The following LRBA variants were observed in gnomAD, a reference collection of about 807,000 sequenced individuals.
The protein encoded by LRBA is LPS responsive beige-like anchor protein.
In LRBA, 176 loss-of-function variants were observed where a neutral mutation model predicts 330.0. The observed-to-expected ratio is 0.53, with a 90% CI of 0.47 to 0.60. LRBA has a LOEUF of 0.60. Among genes scored for constraint, LRBA ranks in the 20% least tolerant of loss-of-function variants. LRBA has a pLI of 0.00. For missense variants in LRBA, 3,259 were observed against 3,444.8 expected, an observed-to-expected ratio of 0.95 and a Z score of 1.35; for synonymous variants, 1,230 against 1,193.0, an observed-to-expected ratio of 1.03 and a Z score of -0.64.
chr4:150,850,799 T>C lies in LRBA; in HGVS notation c.3929A>G (p.Asn1310Ser), dbSNP rs190199103. 9.9e-6 allele frequency: 16 copies of C among 1,613,364 alleles called. No homozygotes were observed. The highest frequency in any genetic ancestry group is 6.7e-5 in the African/African-American group (5 of 75,026). The change falls in exon 24 of 57, where the codon AAC becomes AGC. Residue 1310 changes from asparagine (N) to serine (S), a missense_variant. Physicochemically the swap from Asn to Ser is conservative, Grantham distance 46 (BLOSUM62 1). Transcript: ENST00000651943. ...CAAACGTTGATGCATCTGAGACCAG[T>C]TGAACTCAGGAATACGAAACACAGT... ...RSTVFRIPEFNWSQMHQRLLT... is the reference protein window; with the variant it reads ...RSTVFRIPEFSWSQMHQRLLT...
At chr4:150,936,558 C>T (rs956309007) in intron 2 of LRBA, among the ~76,000 whole-genome samples, 4 of 151,886 alleles carry the variant, frequency 2.6e-5, no homozygotes, top group Non-Finnish European at 4.4e-5. Context: ...AAACAAAAAT[C>T]TCTAAGGCCA....
intron 47 of LRBA, among the ~76,000 whole-genome samples, chr4:150,395,329 T>G (rs866532125): frequency 6.6e-6 from 1 of 152,180 alleles, no homozygotes. Flanking sequence ...TGACAATTCA[T>G]GCAGTAACTT....
At chr4:150,553,256 G>A (rs913029852) in intron 40 of LRBA, among the ~76,000 whole-genome samples, 3 of 151,864 alleles carry the variant, frequency 2.0e-5, no homozygotes, top group Non-Finnish European at 4.4e-5. Context: ...TCATAGGTGG[G>A]AATTGAACAA....
At chr4:150,483,513 A>C (rs547369370) in intron 42 of LRBA, among the ~76,000 whole-genome samples, 4 of 151,642 alleles carry the variant, frequency 2.6e-5, no homozygotes, top group African/African-American at 9.7e-5. Context: ...TAAGTTAAAA[A>C]AATAGAGATG....
At chr4:150,524,887 C>T (rs562868587) in intron 40 of LRBA, among the ~76,000 whole-genome samples, 165 of 152,216 alleles carry the variant, frequency 1.1e-3, no homozygotes, top group Non-Finnish European at 1.5e-3. Context: ...CTCGCAAAGG[C>T]CAAACATCCT....
At chr4:150,723,089 C>T (rs1729147256) in intron 36 of LRBA, among the ~76,000 whole-genome samples, 1 of 152,202 alleles carries the variant, frequency 6.6e-6, no homozygotes, top group South Asian at 2.1e-4. Context: ...GGCTAAAGTA[C>T]ACTGGGTTCC....
At chr4:150,600,779 G>A (rs1195518823) in intron 37 of LRBA, among the ~76,000 whole-genome samples, 1 of 152,048 alleles carries the variant, frequency 6.6e-6, no homozygotes, top group Non-Finnish European at 1.5e-5. Context: ...AAAGACAACA[G>A]TTGTTTTAAC....
chr4:150,900,295 A>G, intron 13 of LRBA, 78 bp from the exon 14 acceptor site: 1 of 1,022,634 alleles, frequency 9.8e-7, no homozygotes, highest in Non-Finnish European at 1.4e-6. Context: ...AGGCTGTTTT[A>G]TTTTCACCAC....
intron 41 of LRBA, among the ~76,000 whole-genome samples, chr4:150,489,415 TAAAA>T (rs1758500613): frequency 1.9e-5 from 1 of 52,240 alleles, no homozygotes; most frequent in Non-Finnish European, 3.8e-5. Context: ...TATAAGAATA[TAAAA>T]TATATTACAT....
intron 48 of LRBA, among the ~76,000 whole-genome samples, chr4:150,347,667 G>T (rs1736574500): frequency 6.7e-6 from 1 of 149,630 alleles, no homozygotes; most frequent in Non-Finnish European, 1.5e-5. Flanking sequence ...AAAAACAAAG[G>T]TAAAAATGTT....
At chr4:150,273,016 T>G (rs1006704776) in intron 56 of LRBA, among the ~76,000 whole-genome samples, 1 of 151,952 alleles carries the variant, frequency 6.6e-6, no homozygotes, top group Non-Finnish European at 1.5e-5. Context: ...CATCAGATTA[T>G]GTGAAGGTAG....
intron 47 of LRBA, among the ~76,000 whole-genome samples, chr4:150,402,155 C>T (rs1395456720): frequency 6.7e-6 from 1 of 148,628 alleles, no homozygotes; most frequent in Non-Finnish European, 1.5e-5. Context: ...ATTCTGTGTG[C>T]TATTTTTTTC....
At chr4:150,365,519 C>T (rs1004434909) in intron 47 of LRBA, among the ~76,000 whole-genome samples, 7 of 152,164 alleles carry the variant, frequency 4.6e-5, no homozygotes, top group East Asian at 1.9e-4. Flanking sequence ...AGGCTGGGCA[C>T]GGTGGCTCAC....
chr4:150,954,817 C>CA (rs34282784), intron 2 of LRBA, among the ~76,000 whole-genome samples: 1,823 of 45,478 alleles, frequency 0.04, 48 homozygotes, highest in South Asian at 0.21. Context: ...ACTCAGAAAT[C>CA]AAAAAAAAAA....
At chr4:150,317,225 C>T (rs1190304069) in intron 50 of LRBA, among the ~76,000 whole-genome samples, 1 of 152,054 alleles carries the variant, frequency 6.6e-6, no homozygotes, top group Non-Finnish European at 1.5e-5. Flanking sequence ...CCTGTGATTA[C>T]CATATATTAT....
At chr4:150,645,854 G>A (rs908979290) in intron 37 of LRBA, among the ~76,000 whole-genome samples, 2 of 151,724 alleles carry the variant, frequency 1.3e-5, no homozygotes, top group Non-Finnish European at 2.9e-5. Context: ...ACAGGCAACA[G>A]TAACTATGAA....
intron 2 of LRBA, among the ~76,000 whole-genome samples, chr4:150,933,604 G>GA (rs1734746994): frequency 6.6e-6 from 1 of 151,960 alleles, no homozygotes; most frequent in South Asian, 2.1e-4. Context: ...ATTGTCTCTG[G>GA]AAAAGATCTA....
chr4:150,575,002 G>A (rs560836164), intron 40 of LRBA, among the ~76,000 whole-genome samples: 3 of 152,016 alleles, frequency 2.0e-5, no homozygotes, highest in Non-Finnish European at 4.4e-5. Flanking sequence ...TACTAACCTC[G>A]ATTTTAAACC....
At chr4:150,776,963 C>T (rs1396913814) in intron 34 of LRBA, among the ~76,000 whole-genome samples, 1 of 151,992 alleles carries the variant, frequency 6.6e-6, no homozygotes, top group Non-Finnish European at 1.5e-5. Flanking sequence ...ATAGAACATG[C>T]ATTCAAGTTT....
Sources: allele counts gnomAD v4.1 joint callset (sites outside exome capture counted in the v4.1 genomes callset), GRCh38; gene constraint gnomAD v4.1.1; transcripts MANE v1.5; gene names NCBI Gene and HGNC (gene_info 2026-07-23, HGNC 2026-07-21).